The following WDR25 variants were observed in gnomAD, a reference collection of about 807,000 sequenced individuals.
WDR25 encodes the protein WD repeat domain 25.
WDR25 carries 35 observed loss-of-function variants against 47.7 expected under a neutral mutation model. The ratio of observed to expected loss-of-function variants is 0.73; its 90% CI spans 0.56 to 0.97. The LOEUF is 0.97. WDR25 is among the 50% of genes least tolerant of loss of function. The probability of loss-of-function intolerance (pLI) is 0.00; values close to 1 mark genes in which losing one functional copy is unlikely to be tolerated. For synonymous variants in WDR25, 248 were observed against 278.9 expected, an observed-to-expected ratio of 0.89 and a Z score of 1.10; for missense variants, 634 against 704.7, an observed-to-expected ratio of 0.90 and a Z score of 1.14.
Position 100,468,265 on chromosome 14 carries a change from C to T in WDR25, c.970+97C>T, listed in dbSNP as rs4905966. 859,844 of 1,495,478 alleles carry T rather than the reference C, an allele frequency of 0.57. 250,518 individuals carry two copies. Among genetic ancestry groups the T allele is most frequent in the Admixed American group, 0.73 (35,090 of 47,890 alleles). 92.6% of individuals were successfully genotyped at this position (1,495,478 alleles called of 1,614,324 possible). A position where few individuals can be genotyped will look rare whatever the true frequency, so the allele number is the denominator to read the frequency against. On this transcript the variant is annotated intron_variant, in intron 3 of 6. Transcript: ENST00000402312. This position sits in a 1 kb window ranked among gnomAD's most constrained non-coding sequence, Gnocchi z 4.5. ...CGCAGCCACAAGCTGTATACGCTTG[C>T]GTGGCAGAGGGAGAGGGGCCTCAGG...
rs1470051018 is a variant in WDR25, at chr14:100,498,522, T to C, written c.1101+14398T>C. On this transcript the variant is annotated intron_variant, in intron 4 of 6. Coordinates refer to ENST00000402312, the MANE Select transcript of WDR25 (RefSeq NM_001161476.3). The surrounding 1 kb of genome is among the most constrained non-coding windows in gnomAD (Gnocchi z 4.2). ...TGAACACTGCGGAGCACCTGCTGTT[T>C]ATAGGGTGTCTTCCTAGTTTAGAGG... 6.6e-6 allele frequency among the ~76,000 whole-genome samples: 1 copy of C among 152,210 alleles called. No individual in the cohort carries two copies. The highest frequency in any genetic ancestry group is 1.5e-5 in the Non-Finnish European group (1 of 68,028).
rs1484412148 is a variant in WDR25 at position 100,468,122 on chromosome 14, C to T, written c.924C>T (p.Leu308=). 5.0e-6 allele frequency: 8 copies of T among 1,613,684 alleles called. No individual in the cohort carries two copies. The highest frequency in any genetic ancestry group is 1.7e-5 in the Admixed American group (1 of 60,030). ...ARWAPCGRRI[L]SGGFDFALHL... Reference sequence around the variant, plus strand: ...GGGCTCCCTGTGGCCGGCGCATCCTCAGTGGTGGCTTTGACTTCGCGCTGC... The same window carrying T: ...GGGCTCCCTGTGGCCGGCGCATCCTTAGTGGTGGCTTTGACTTCGCGCTGC... Residue 308 remains leucine (L), a synonymous_variant, in exon 3 of 7, where the codon CTC becomes CTT. Transcript: ENST00000402312. The surrounding 1 kb of genome is among the most constrained non-coding windows in gnomAD (Gnocchi z 4.5).
intron 5 of WDR25, among the ~76,000 whole-genome samples, chr14:100,527,662 G>C (rs1485001814): frequency 1.3e-5 from 2 of 152,196 alleles, no homozygotes; most frequent in Non-Finnish European, 2.9e-5. Context: ...CAGGAGCCCA[G>C]GGGAAGTGAG....
At chr14:100,429,965 C>G (rs148450721) in intron 2 of WDR25, among the ~76,000 whole-genome samples, 3 of 152,118 alleles carry the variant, frequency 2.0e-5, no homozygotes, top group Admixed American at 6.5e-5. Flanking sequence ...GTGCAGCCAC[C>G]TGGGGAGTTA....
intron 1 of WDR25, among the ~76,000 whole-genome samples, chr14:100,378,130 G>A (rs116349383): frequency 0.011 from 1,621 of 152,100 alleles, 29 homozygotes; most frequent in African/African-American, 0.037. Context: ...GGAACTAATT[G>A]ATAACCATGT....
intron 4 of WDR25, chr14:100,487,476 A>T (rs1900422914): frequency 6.6e-6 from 1 of 152,224 alleles, no homozygotes; most frequent in Non-Finnish European, 1.5e-5. Context: ...GAGTGGACTC[A>T]TTGCAACAGA....
intron 4 of WDR25, among the ~76,000 whole-genome samples, chr14:100,491,148 G>A (rs933552999): frequency 6.6e-6 from 1 of 152,202 alleles, no homozygotes; most frequent in African/African-American, 2.4e-5. Flanking sequence ...TGTGCACGCT[G>A]TGTGCGCCAT....
At chr14:100,415,073 C>T (rs775455373) in intron 2 of WDR25, among the ~76,000 whole-genome samples, 3 of 151,956 alleles carry the variant, frequency 2.0e-5, no homozygotes, top group East Asian at 1.9e-4. Flanking sequence ...CTAGCTCTCA[C>T]GGATGGTTGG....
Position 100,404,420 on chromosome 14 carries a change from G to C in WDR25, c.822+22674G>C, listed in dbSNP as rs1435447007. ...CAGTGAGGGCCTGGTCTCAAAAGCT[G>C]GGTTTACCACTGACAGTGTCATTTC... is the stretch of plus-strand genomic sequence containing the variant. On this transcript the variant is annotated intron_variant, in intron 2 of 6. Coordinates refer to ENST00000402312, the MANE Select transcript of WDR25 (RefSeq NM_001161476.3). The surrounding 1 kb of genome is among the most constrained non-coding windows in gnomAD (Gnocchi z 4.6). 6.6e-6 allele frequency among the ~76,000 whole-genome samples: 1 copy of C among 152,234 alleles called. No homozygotes were observed. The highest frequency in any genetic ancestry group is 2.4e-5 in the African/African-American group (1 of 41,464).
At chr14:100,397,157 T>G (rs1323913858) in intron 2 of WDR25, among the ~76,000 whole-genome samples, 1 of 152,260 alleles carries the variant, frequency 6.6e-6, no homozygotes. Flanking sequence ...GGGAACATAC[T>G]TTTTAATTAT....
At chr14:100,514,912 A>G (rs1174909786) in intron 4 of WDR25, among the ~76,000 whole-genome samples, 1 of 152,032 alleles carries the variant, frequency 6.6e-6, no homozygotes, top group East Asian at 1.9e-4. Flanking sequence ...AAATTATTTC[A>G]GCTTTTATTT....
chr14:100,517,338 A>G (rs1178041275), intron 4 of WDR25, among the ~76,000 whole-genome samples: 1 of 151,172 alleles, frequency 6.6e-6, no homozygotes, highest in Non-Finnish European at 1.5e-5. Context: ...CGGCCTCCCA[A>G]AGCTCCTCTG....
chr14:100,382,943 C>T (rs766251139), intron 2 of WDR25, among the ~76,000 whole-genome samples: 10 of 152,218 alleles, frequency 6.6e-5, no homozygotes, highest in Non-Finnish European at 1.0e-4. Flanking sequence ...ACCTCATAGG[C>T]GCTCAGTAAA....
At chr14:100,461,700 G>C (rs1899419587) in intron 2 of WDR25, among the ~76,000 whole-genome samples, 1 of 152,152 alleles carries the variant, frequency 6.6e-6, no homozygotes. Context: ...AACTGTGTGA[G>C]TTTGAGAATG....
At chr14:100,403,707 C>T (rs1197795343) in intron 2 of WDR25, among the ~76,000 whole-genome samples, 2 of 152,148 alleles carry the variant, frequency 1.3e-5, no homozygotes, top group Non-Finnish European at 2.9e-5. Flanking sequence ...TAATAGATTG[C>T]TGATGAACTC....
intron 4 of WDR25, among the ~76,000 whole-genome samples, chr14:100,519,412 G>A (rs537034960): frequency 2.6e-5 from 4 of 151,550 alleles, no homozygotes; most frequent in South Asian, 2.1e-4. Flanking sequence ...GTTTACTAAC[G>A]GTTTCTTTTG....
At chr14:100,436,513 C>T (rs1226926932) in intron 2 of WDR25, among the ~76,000 whole-genome samples, 1 of 152,216 alleles carries the variant, frequency 6.6e-6, no homozygotes, top group East Asian at 1.9e-4. Context: ...CATGGATTTG[C>T]AGCCAGATAC....
intron 1 of WDR25, among the ~76,000 whole-genome samples, chr14:100,379,750 T>G (rs1303657142): frequency 1.3e-5 from 2 of 151,942 alleles, no homozygotes; most frequent in East Asian, 3.9e-4. Context: ...TTTTTTAATT[T>G]TACTTTTTTG....
intron 2 of WDR25, among the ~76,000 whole-genome samples, chr14:100,386,675 C>A (rs1426451968): frequency 6.6e-6 from 1 of 152,046 alleles, no homozygotes; most frequent in Non-Finnish European, 1.5e-5. Flanking sequence ...AGGCGGATCA[C>A]GAGGTCAGGA....
Sources: gnomAD v4.1 joint callset for allele counts (sites outside exome capture counted in the v4.1 genomes callset) on GRCh38, gnomAD v4.1.1 for gene constraint, Gnocchi (gnomAD v3.1) non-coding constraint, MANE v1.5 for transcripts, NCBI Gene and HGNC (gene_info 2026-07-23, HGNC 2026-07-21) for gene names.